Variants in TENM3 observed in about 807,000 individuals in gnomAD.
TENM3 encodes the protein teneurin transmembrane protein 3.
TENM3 carries 63 observed loss-of-function variants against 255.1 expected under a neutral mutation model. The observed-to-expected ratio is 0.25, with a 90% confidence interval of 0.20 to 0.30. The LOEUF is 0.30. Among genes scored for constraint, TENM3 ranks in the 10% least tolerant of loss-of-function variants. The pLI is 1.00. For synonymous variants in TENM3, 1,306 were observed against 1,322.3 expected (o/e 0.99, Z 0.27); for missense variants, 2,929 against 3,461.1 (o/e 0.85, Z 3.86).
the TENM3 span, among the ~76,000 whole-genome samples, chr4:181,995,087 G>C: frequency 6.6e-6 from 1 of 152,030 alleles, no homozygotes; most frequent in East Asian, 1.9e-4. Flanking sequence ...TCAGGAGTTC[G>C]AGACTAGCCT....
the TENM3 span, among the ~76,000 whole-genome samples, chr4:181,576,811 CTTTTTTTT>C: frequency 4.8e-4 from 60 of 123,966 alleles, no homozygotes; most frequent in African/African-American, 1.7e-3. Context: ...TCTTTCTTTT[CTTTTTTTT>C]TTTTTTTTTT....
chr4:182,321,238 C>T (rs575169482), intron 1 of TENM3, among the ~76,000 whole-genome samples: 2 of 152,266 alleles, frequency 1.3e-5, no homozygotes, highest in South Asian at 4.1e-4. Context: ...TAAATGTATG[C>T]CCCATAAGGA....
chr4:182,773,589 AGAT>A lies in TENM3; in HGVS notation c.5012_5014del (p.Asp1671del), dbSNP rs1561233066. 1.2e-6 allele frequency: 2 copies of A among 1,613,928 alleles called. No individual in the cohort carries two copies. The highest frequency in any genetic ancestry group is 1.6e-4 in the Middle Eastern group (1 of 6,062). On this transcript the variant is annotated inframe_deletion, in exon 23 of 28. Transcript: ENST00000511685. ...ACATTGAGTCATCTAGCCGAGAAGA[AGAT>A]GTCAGCATCACTTCAAATCTGTCCT... is the stretch of plus-strand genomic sequence containing the variant.
chr4:182,751,664 A>G, intron 19 of TENM3, 136 bp from the exon 20 acceptor site: 1 of 653,608 alleles, frequency 1.5e-6, no homozygotes, highest in Non-Finnish European at 2.7e-6. Flanking sequence ...AATAGACAGT[A>G]CTATTCATGT....
At chr4:182,369,106 T>G (rs983242394) in intron 3 of TENM3, among the ~76,000 whole-genome samples, 1 of 152,190 alleles carries the variant, frequency 6.6e-6, no homozygotes, top group African/African-American at 2.4e-5. Flanking sequence ...CAATGATAAT[T>G]GCTAAGGATT....
chr4:182,691,673 G>A (rs1348884270), intron 12 of TENM3, among the ~76,000 whole-genome samples: 1 of 152,102 alleles, frequency 6.6e-6, no homozygotes, highest in Non-Finnish European at 1.5e-5. Flanking sequence ...CCTTTCTTGG[G>A]TTTCCCTTTG....
At chr4:182,350,023 G>T in intron 3 of TENM3, 1 of 44,774 alleles carries the variant, frequency 2.2e-5, no homozygotes, top group Non-Finnish European at 4.1e-5. Flanking sequence ...GAATGAGGCT[G>T]TTTTTCCCAG....
the TENM3 span, among the ~76,000 whole-genome samples, chr4:181,586,263 T>C: frequency 6.6e-5 from 10 of 152,176 alleles, no homozygotes; most frequent in Non-Finnish European, 1.2e-4. Context: ...TCACGAAATA[T>C]AGTGGAACAT....
At chr4:181,460,558 A>G in the TENM3 span, among the ~76,000 whole-genome samples, 1 of 149,394 alleles carries the variant, frequency 6.7e-6, no homozygotes. Context: ...AATTTACTAT[A>G]TTTTGCCATT....
At chr4:181,687,173 G>A in the TENM3 span, among the ~76,000 whole-genome samples, 2 of 152,134 alleles carry the variant, frequency 1.3e-5, no homozygotes, top group African/African-American at 4.8e-5. Flanking sequence ...TATAATGGAA[G>A]AAGAATACCA....
chr4:182,069,515 G>A, the TENM3 span, among the ~76,000 whole-genome samples: 45 of 152,178 alleles, frequency 3.0e-4, no homozygotes, highest in African/African-American at 1.1e-3. Flanking sequence ...CCCTCAACTA[G>A]AATATGCACC....
chr4:181,777,160 T>G, the TENM3 span, among the ~76,000 whole-genome samples: 1 of 152,134 alleles, frequency 6.6e-6, no homozygotes, highest in South Asian at 2.1e-4. Flanking sequence ...ATATCCAGTT[T>G]TCCTAGCATT....
chr4:182,519,086 C>G (rs767090506), intron 3 of TENM3, among the ~76,000 whole-genome samples: 3 of 151,940 alleles, frequency 2.0e-5, no homozygotes, highest in Non-Finnish European at 2.9e-5. Flanking sequence ...ATGTAGCCAT[C>G]AAGCACTTGC....
At chr4:182,052,966 A>G in the TENM3 span, among the ~76,000 whole-genome samples, 1 of 152,154 alleles carries the variant, frequency 6.6e-6, no homozygotes, top group Non-Finnish European at 1.5e-5. Context: ...TTTTAGCAGT[A>G]TATATACATA....
intron 1 of TENM3, among the ~76,000 whole-genome samples, chr4:182,264,258 G>A (rs1759081482): frequency 6.6e-6 from 1 of 152,206 alleles, no homozygotes; most frequent in Non-Finnish European, 1.5e-5. Context: ...CGTGGGCTTG[G>A]AACACCTGCA....
At chr4:182,216,437 G>A (rs914656507) in intron 1 of TENM3, among the ~76,000 whole-genome samples, 1 of 152,118 alleles carries the variant, frequency 6.6e-6, no homozygotes, top group Admixed American at 6.6e-5. Flanking sequence ...CTGGTATGAT[G>A]TGCCATCCTT....
chr4:182,784,922 G>T (rs1383194228), intron 24 of TENM3, among the ~76,000 whole-genome samples: 1 of 152,136 alleles, frequency 6.6e-6, no homozygotes, highest in Non-Finnish European at 1.5e-5. Context: ...CTCGCGCACG[G>T]TGCGCGCACC....
chr4:182,615,065 A>ATTTTT (rs1373831981), intron 4 of TENM3, among the ~76,000 whole-genome samples: 1 of 119,820 alleles, frequency 8.3e-6, no homozygotes, highest in Non-Finnish European at 1.7e-5. Flanking sequence ...ATATATATAT[A>ATTTTT]TGTATTTTTT....
Position 182,711,944 on chromosome 4 carries a change from G to A in TENM3, c.2222-2143G>A, listed in dbSNP as rs75874266. Among the ~76,000 whole-genome samples the A allele has an allele frequency of 1.7e-3, 263 of 151,902 alleles. 5 individuals carry two copies. In the East Asian group the frequency reaches 0.039, roughly 23 times the overall value. The stretch of plus-strand genomic sequence containing the variant: ...CACTGTTGGCAATTCAGCTTAATGA[G>A]CTTTAAATTCTAAGCTAAAGAATCA... On this transcript the variant is annotated intron_variant, in intron 12 of 27. Transcript: ENST00000511685.
Sources: allele counts gnomAD v4.1 joint callset (sites outside exome capture counted in the v4.1 genomes callset), GRCh38; gene constraint gnomAD v4.1.1; transcripts MANE v1.5; gene names NCBI Gene and HGNC (gene_info 2026-07-23, HGNC 2026-07-21).